ARNT2: variants seen among roughly 807,000 people sequenced by gnomAD.
The protein encoded by ARNT2 is ARNT protein 2.
ARNT2 carries 36 observed loss-of-function variants against 91.7 expected under a neutral mutation model. That is an observed-to-expected ratio of 0.39 (90% confidence interval 0.30 to 0.52). The LOEUF is 0.52. Ranked by LOEUF, ARNT2 falls within the 20% of genes least tolerant of loss-of-function variation. The pLI is 0.72. For missense variants in ARNT2, 775 were observed against 939.3 expected (o/e 0.83, Z 2.29); for synonymous variants, 365 against 347.1 (o/e 1.05, Z -0.57).
rs576294751 is a variant in ARNT2 at position 80,467,165 on chromosome 15, G to C, written c.195-3053G>C. ...TTTGTATTTTGAGAAACATCAGTCT[G>C]GCCACAACATGAGGACTAAACTGGA... On this transcript the variant is annotated intron_variant, in intron 3 of 18. Coordinates refer to ENST00000303329, the MANE Select transcript of ARNT2 (RefSeq NM_014862.4). 1.3e-4 allele frequency among the ~76,000 whole-genome samples: 11 copies of C among 86,568 alleles called. No homozygotes were observed. The East Asian group carries it at 5.0e-3, about 40-fold the overall frequency. The allele number at this position is 86,568 out of a possible 152,430, so 56.8% of individuals were successfully genotyped here. A position where few individuals can be genotyped will look rare whatever the true frequency, so the allele number is the denominator to read the frequency against.
chr15:80,442,951 C>T (rs931142133), intron 1 of ARNT2: 3 of 985,302 alleles, frequency 3.0e-6, no homozygotes, highest in Admixed American at 6.1e-5. Flanking sequence ...GCCCTCCTTG[C>T]GGCTCCATCA....
intron 2 of ARNT2, among the ~76,000 whole-genome samples, chr15:80,455,317 C>T (rs1477463424): frequency 6.6e-6 from 1 of 152,114 alleles, no homozygotes; most frequent in African/African-American, 2.4e-5. Context: ...TGGTTCGCCT[C>T]CGAATTCCTA....
At chr15:80,469,559 G>A (rs994818231) in intron 3 of ARNT2, among the ~76,000 whole-genome samples, 4 of 151,124 alleles carry the variant, frequency 2.6e-5, no homozygotes, top group Admixed American at 2.6e-4. Flanking sequence ...TAATAAATAT[G>A]TAAAGATACA....
chr15:80,504,204 G>T (rs944497430), intron 5 of ARNT2, among the ~76,000 whole-genome samples: 1 of 152,158 alleles, frequency 6.6e-6, no homozygotes, highest in African/African-American at 2.4e-5. Flanking sequence ...CTGCAAAGCC[G>T]CAGCTCTCCA....
rs1252436391 is a variant in ARNT2 at position 80,404,443 on chromosome 15, G to C, written c.-73G>C. The stretch of plus-strand genomic sequence containing the variant: ...GGCGCCTGGGCCTGACCGGGTCCCC[G>C]GGGCTGAGCGCCGGGCTCCGCGCCG... On this transcript the variant is annotated 5_prime_UTR_variant, in exon 1 of 19. Coordinates refer to ENST00000303329, the MANE Select transcript of ARNT2 (RefSeq NM_014862.4). The surrounding 1 kb of genome is among the most constrained non-coding windows in gnomAD (Gnocchi z 5.5). 6.5e-6 allele frequency: 7 copies of C among 1,071,152 alleles called. No individual in the cohort carries two copies. The highest frequency in any genetic ancestry group is 7.0e-6 in the Non-Finnish European group (6 of 858,488). 66.4% of individuals were successfully genotyped at this position (1,071,152 alleles called of 1,614,324 possible). A position where few individuals can be genotyped will look rare whatever the true frequency, so the allele number is the denominator to read the frequency against.
In ARNT2 at chr15:80,536,486, T is replaced by C. The variant is rs552125994; in HGVS notation, c.878-14713T>C. On this transcript the variant is annotated intron_variant, in intron 8 of 18. Coordinates refer to ENST00000303329, the MANE Select transcript of ARNT2 (RefSeq NM_014862.4). Reference sequence around the variant, plus strand: ...GAAGATGGAGCCACCCTATTGGACATGTGTAGCCCCCAGGTACCCTTTTCG... The same window carrying C: ...GAAGATGGAGCCACCCTATTGGACACGTGTAGCCCCCAGGTACCCTTTTCG... Among the ~76,000 whole-genome samples, 3 of 152,342 alleles carry C rather than the reference T, an allele frequency of 2.0e-5. No individual in the cohort carries two copies. In the East Asian group the frequency reaches 5.8e-4, roughly 29 times the overall value.
chr15:80,548,276 A>G (rs1898021877), intron 8 of ARNT2, among the ~76,000 whole-genome samples: 2 of 152,194 alleles, frequency 1.3e-5, no homozygotes, highest in African/African-American at 4.8e-5. Flanking sequence ...AGGGATAATT[A>G]CTTAATATGA....
intron 12 of ARNT2, among the ~76,000 whole-genome samples, chr15:80,563,673 TGGGACAGGTG>T: frequency 6.6e-6 from 1 of 152,142 alleles, no homozygotes; most frequent in Non-Finnish European, 1.5e-5. Flanking sequence ...CTCTAGGGAA[TGGGACAGGTG>T]GCCTGGGTGT....
intron 1 of ARNT2, among the ~76,000 whole-genome samples, chr15:80,408,930 G>A (rs1238566711): frequency 6.6e-6 from 1 of 152,104 alleles, no homozygotes; most frequent in Non-Finnish European, 1.5e-5. Flanking sequence ...TTTTAGGGCA[G>A]TTTTAGGTTC....
chr15:80,438,307 T>A (rs1330124727), intron 1 of ARNT2, among the ~76,000 whole-genome samples: 3 of 152,328 alleles, frequency 2.0e-5, no homozygotes, highest in African/African-American at 7.2e-5. Flanking sequence ...ACGTTGGTTT[T>A]GTTAATTATG....
At chr15:80,483,357 T>A (rs1035675209) in intron 5 of ARNT2, among the ~76,000 whole-genome samples, 1 of 152,250 alleles carries the variant, frequency 6.6e-6, no homozygotes, top group Non-Finnish European at 1.5e-5. Flanking sequence ...CTTTGGCATC[T>A]GGGACTGGCA....
intron 18 of ARNT2, 130 bp from the exon 19 acceptor site, chr15:80,593,469 TG>T: frequency 1.5e-6 from 1 of 665,278 alleles, no homozygotes; most frequent in Non-Finnish European, 2.6e-6. Flanking sequence ...CGCAGAAGGC[TG>T]GGGAGGACCT....
At chr15:80,463,281 T>G (rs1896588211) in intron 3 of ARNT2, among the ~76,000 whole-genome samples, 1 of 152,184 alleles carries the variant, frequency 6.6e-6, no homozygotes, top group Non-Finnish European at 1.5e-5. Context: ...GTGAGGTCCT[T>G]GTAAGGCAGG....
In ARNT2 at chr15:80,588,708, A is replaced by G. The variant is rs549450517; in HGVS notation, c.1919-2860A>G. Among the ~76,000 whole-genome samples the G allele has an allele frequency of 2.0e-5, 3 of 151,058 alleles. No individual in the cohort carries two copies. The East Asian group carries it at 5.9e-4, about 30-fold the overall frequency. On this transcript the variant is annotated intron_variant, in intron 17 of 18. Coordinates refer to ENST00000303329, the MANE Select transcript of ARNT2 (RefSeq NM_014862.4). Reference sequence around the variant, plus strand: ...TTTCTCTAGAATTATTTTCAACCTTACCTCCAAGCCCTATACCGGATTAAT... The same window carrying G: ...TTTCTCTAGAATTATTTTCAACCTTGCCTCCAAGCCCTATACCGGATTAAT...
chr15:80,461,843 C>G (rs1453252628), intron 3 of ARNT2, among the ~76,000 whole-genome samples: 1 of 152,158 alleles, frequency 6.6e-6, no homozygotes, highest in Admixed American at 6.5e-5. Context: ...AGAAAGCAGC[C>G]TCCACTGGGA....
chr15:80,439,138 G>A lies in ARNT2; in HGVS notation c.32-11742G>A, dbSNP rs529882825. 3.2e-4 allele frequency among the ~76,000 whole-genome samples: 48 copies of A among 152,114 alleles called. No homozygotes were observed. In the South Asian group the frequency reaches 6.2e-3, roughly 20 times the overall value. On this transcript the variant is annotated intron_variant, in intron 1 of 18. Transcript: ENST00000303329. ...TTATATTTATACACCATCTGACTGG[G>A]AGAGTTCAAAATACATCATACATAC... is the stretch of plus-strand genomic sequence containing the variant.
intron 1 of ARNT2, among the ~76,000 whole-genome samples, chr15:80,432,251 G>C (rs1896022231): frequency 6.6e-6 from 1 of 152,192 alleles, no homozygotes; most frequent in African/African-American, 2.4e-5. Context: ...TTGCCATCAG[G>C]TCAGCTGAAT....
chr15:80,577,369 C>T (rs557595101), intron 15 of ARNT2, among the ~76,000 whole-genome samples: 4 of 152,348 alleles, frequency 2.6e-5, no homozygotes, highest in Admixed American at 6.5e-5. Context: ...CAGCCCACCA[C>T]GTCTGAGCCT....
At chr15:80,479,404 C>T (rs769411466) in intron 5 of ARNT2, among the ~76,000 whole-genome samples, 9 of 152,196 alleles carry the variant, frequency 5.9e-5, no homozygotes, top group South Asian at 2.1e-4. Context: ...GACTTGTCTG[C>T]GAATAAAACT....
Sources: allele counts gnomAD v4.1 joint callset (sites outside exome capture counted in the v4.1 genomes callset), GRCh38; gene constraint gnomAD v4.1.1; non-coding constraint Gnocchi (gnomAD v3.1); transcripts MANE v1.5; gene names NCBI Gene and HGNC (gene_info 2026-07-23, HGNC 2026-07-21).